Variants in CNBD1 observed in about 807,000 individuals in gnomAD.
CNBD1 encodes the protein cyclic nucleotide binding domain containing 1.
CNBD1 carries 71 observed loss-of-function variants against 54.4 expected under a neutral mutation model. The observed-to-expected ratio is 1.30, with a 90% confidence interval of 1.08 to 1.59. The LOEUF is 1.59. Among genes scored for constraint, CNBD1 ranks in the 40% most tolerant of loss-of-function variants. The pLI is 0.00. For missense variants in CNBD1, 659 were observed against 518.0 expected (o/e 1.27, Z -2.64); for synonymous variants, 182 against 170.7 (o/e 1.07, Z -0.51).
intron 6 of CNBD1, among the ~76,000 whole-genome samples, chr8:87,240,174 T>A (rs1807666650): frequency 6.6e-6 from 1 of 151,958 alleles, no homozygotes; most frequent in Middle Eastern, 3.4e-3. Flanking sequence ...CTATCTGCAG[T>A]TAAACATATT....
At chr8:86,904,675 T>G (rs1183203114) in intron 2 of CNBD1, among the ~76,000 whole-genome samples, 1 of 152,096 alleles carries the variant, frequency 6.6e-6, no homozygotes, top group Non-Finnish European at 1.5e-5. Flanking sequence ...TAAAAAATAC[T>G]GCCTGCGATT....
intron 3 of CNBD1, among the ~76,000 whole-genome samples, chr8:86,919,898 G>C (rs1809244091): frequency 6.6e-6 from 1 of 152,090 alleles, no homozygotes; most frequent in East Asian, 1.9e-4. Flanking sequence ...AGTGTGGCCT[G>C]AGATTCTGTG....
At chr8:87,264,478 T>C (rs1460863652) in intron 6 of CNBD1, among the ~76,000 whole-genome samples, 1 of 152,192 alleles carries the variant, frequency 6.6e-6, no homozygotes, top group African/African-American at 2.4e-5. Context: ...TGTGTCTTTA[T>C]AGTAGCATGA....
At chr8:87,332,561 G>T (rs549425176) in intron 8 of CNBD1, among the ~76,000 whole-genome samples, 1 of 152,186 alleles carries the variant, frequency 6.6e-6, no homozygotes, top group East Asian at 1.9e-4. Context: ...TTTGCATAAG[G>T]TTTAAGGAAG....
chr8:87,386,934 G>C (rs563971878), downstream of CNBD1, among the ~76,000 whole-genome samples: 206 of 152,284 alleles, frequency 1.4e-3, 3 homozygotes, highest in South Asian at 0.022. Context: ...CAAGCCAGAA[G>C]AGAGTGGGGG....
chr8:87,228,294 TC>T (rs1361811659), intron 5 of CNBD1, among the ~76,000 whole-genome samples: 1 of 151,494 alleles, frequency 6.6e-6, no homozygotes, highest in Non-Finnish European at 1.5e-5. Context: ...TGAGCTGCAT[TC>T]CTTTGGAGGA....
At chr8:87,291,590 T>C (rs1808786652) in intron 8 of CNBD1, among the ~76,000 whole-genome samples, 1 of 152,074 alleles carries the variant, frequency 6.6e-6, no homozygotes, top group South Asian at 2.1e-4. Context: ...TCAGATTTGG[T>C]CCGCGGTCTA....
chr8:87,388,490 A>G (rs1233428118), intron 2 of CNBD1, among the ~76,000 whole-genome samples: 1 of 152,222 alleles, frequency 6.6e-6, no homozygotes, highest in East Asian at 1.9e-4. Context: ...CAAATAAACT[A>G]GAAAATCTAG....
chr8:87,397,365 A>C (rs1005671685), intron 2 of CNBD1, among the ~76,000 whole-genome samples: 2 of 151,936 alleles, frequency 1.3e-5, no homozygotes, highest in African/African-American at 4.8e-5. Flanking sequence ...TCCTGTAATA[A>C]GGCAATATTG....
intron 6 of CNBD1, among the ~76,000 whole-genome samples, chr8:87,243,164 C>T (rs1277149431): frequency 1.3e-5 from 2 of 152,106 alleles, no homozygotes; most frequent in Non-Finnish European, 2.9e-5. Flanking sequence ...TGCATACTGC[C>T]CAGTACATCT....
At chr8:87,412,144 A>G (rs975899580) in intron 2 of CNBD1, among the ~76,000 whole-genome samples, 1 of 152,018 alleles carries the variant, frequency 6.6e-6, no homozygotes, top group African/African-American at 2.4e-5. Context: ...TTTCACTTCA[A>G]ATTAAGATGC....
At chr8:86,930,232 T>C (rs1488304729) in intron 3 of CNBD1, among the ~76,000 whole-genome samples, 4 of 152,232 alleles carry the variant, frequency 2.6e-5, no homozygotes, top group Admixed American at 6.5e-5. Context: ...ATTTGTTCTT[T>C]GCTGAGGTCT....
chr8:87,200,267 G>C (rs1178586683), intron 4 of CNBD1, among the ~76,000 whole-genome samples: 1 of 152,124 alleles, frequency 6.6e-6, no homozygotes, highest in Non-Finnish European at 1.5e-5. Context: ...TGAACTCCGA[G>C]TAGTAGAAAC....
intron 2 of CNBD1, among the ~76,000 whole-genome samples, chr8:86,897,810 T>G (rs1808870139): frequency 6.6e-6 from 1 of 152,144 alleles, no homozygotes; most frequent in Admixed American, 6.5e-5. Flanking sequence ...AGAGAGTGCA[T>G]TATGTGTTTA....
intron 4 of CNBD1, among the ~76,000 whole-genome samples, chr8:87,074,750 C>T (rs2130656690): frequency 6.6e-6 from 1 of 152,244 alleles, no homozygotes; most frequent in South Asian, 2.1e-4. Context: ...CTCCGTGGGT[C>T]AGCTTGTTTG....
intron 8 of CNBD1, among the ~76,000 whole-genome samples, chr8:87,318,168 ATC>A (rs1563549809): frequency 7.1e-6 from 1 of 140,640 alleles, no homozygotes. Context: ...TGATTCTAAT[ATC>A]TCTCTTATTT....
chr8:87,258,188 G>A (rs190970625), intron 6 of CNBD1, among the ~76,000 whole-genome samples: 22 of 152,116 alleles, frequency 1.4e-4, no homozygotes, highest in Non-Finnish European at 1.9e-4. Flanking sequence ...ATTTTGGGAG[G>A]CCTATTAAAT....
chr8:86,914,336 G>T (rs1277124902), intron 3 of CNBD1, among the ~76,000 whole-genome samples: 1 of 152,060 alleles, frequency 6.6e-6, no homozygotes, highest in Non-Finnish European at 1.5e-5. Flanking sequence ...CTCCGTTCAG[G>T]GTCCCTGACT....
intron 10 of CNBD1, among the ~76,000 whole-genome samples, chr8:87,362,541 GA>G (rs1343341833): frequency 6.6e-6 from 1 of 152,040 alleles, no homozygotes; most frequent in East Asian, 1.9e-4. Context: ...GCTTGAGACA[GA>G]TTTTTAATCA....
Sources: gnomAD v4.1 joint callset for allele counts (sites outside exome capture counted in the v4.1 genomes callset) on GRCh38, gnomAD v4.1.1 for gene constraint, MANE v1.5 for transcripts, NCBI Gene and HGNC (gene_info 2026-07-23, HGNC 2026-07-21) for gene names.